The following OR7A10 variants were observed in gnomAD, a reference collection of about 807,000 sequenced individuals.
The protein encoded by OR7A10 is olfactory receptor 7A10.
For synonymous variants in OR7A10, 144 were observed against 144.5 expected (o/e 1.00, Z 0.02); for missense variants, 358 against 370.1 (o/e 0.97, Z 0.27).
At chr19:14,846,306 A>G (rs1158748138) in intron 1 of OR7A10, among the ~76,000 whole-genome samples, 3 of 152,204 alleles carry the variant, frequency 2.0e-5, no homozygotes, top group Non-Finnish European at 4.4e-5. Context: ...ATGAATACAA[A>G]AGTGTGCATA....
At chr19:14,845,070 AACACACACACAC>A (rs200527978) in intron 1 of OR7A10, among the ~76,000 whole-genome samples, 74 of 141,704 alleles carry the variant, frequency 5.2e-4, no homozygotes, top group Middle Eastern at 3.5e-3. Context: ...CACACACACA[AACACACACACAC>A]ACACACACAC....
At chr19:14,845,010 C>T (rs1227805266) in intron 1 of OR7A10, among the ~76,000 whole-genome samples, 1 of 150,990 alleles carries the variant, frequency 6.6e-6, no homozygotes, top group Non-Finnish European at 1.5e-5. Flanking sequence ...TATATTGGTC[C>T]CAGGTTCTTT....
intron 1 of OR7A10, among the ~76,000 whole-genome samples, chr19:14,847,434 A>T (rs1379724940): frequency 6.6e-6 from 1 of 152,248 alleles, no homozygotes; most frequent in Non-Finnish European, 1.5e-5. Flanking sequence ...GTTGCCAGGT[A>T]GTAGTTGGAA....
chr19:14,846,385 G>A (rs772573651), intron 1 of OR7A10, among the ~76,000 whole-genome samples: 3 of 152,006 alleles, frequency 2.0e-5, no homozygotes, highest in South Asian at 2.1e-4. Flanking sequence ...ATGCAATTAG[G>A]TTAAGCACAG....
chr19:14,848,142 A>G (rs1285056354), intron 1 of OR7A10, among the ~76,000 whole-genome samples: 1 of 151,090 alleles, frequency 6.6e-6, no homozygotes, highest in African/African-American at 2.4e-5. Context: ...AAATGCCCTC[A>G]CTTCCTTTCG....
chr19:14,844,392 A>G (rs1201354623), intron 1 of OR7A10, among the ~76,000 whole-genome samples: 1 of 152,206 alleles, frequency 6.6e-6, no homozygotes, highest in Non-Finnish European at 1.5e-5. Flanking sequence ...GGAAAGATCA[A>G]TGAAAGACGC....
rs2044909475 is a variant in OR7A10 at position 14,841,192 on chromosome 19, G to A, written c.686C>T (p.Ser229Leu). 6.2e-7 allele frequency: 1 copy of A among 1,614,136 alleles called. No individual in the cohort carries two copies. Among genetic ancestry groups the A allele is most frequent in the Non-Finnish European group, 8.5e-7 (1 of 1,180,032 alleles). ...TGCCTTATACTTCCCCTGAGCTGATGAGATTGCACGTATGGAGGAAACTAT... is the reference window on the plus strand; with the variant it reads ...TGCCTTATACTTCCCCTGAGCTGATAAGATTGCACGTATGGAGGAAACTAT... ...SKIVSSIRAISSAQGKYKAFS... is the reference protein window; with the variant it reads ...SKIVSSIRAILSAQGKYKAFS... The change falls in exon 2 of 2, where the codon TCA (serine) becomes TTA (leucine). Residue 229 changes from serine (S) to leucine (L), a missense_variant. Coordinates refer to ENST00000641129, the MANE Select transcript of OR7A10 (RefSeq NM_001005190.2).
chr19:14,846,378 C>T (rs192384236), intron 1 of OR7A10, among the ~76,000 whole-genome samples: 1 of 151,856 alleles, frequency 6.6e-6, no homozygotes, highest in Non-Finnish European at 1.5e-5. Context: ...AGTTAAAATG[C>T]AATTAGGTTA....
chr19:14,841,623 G>T lies in OR7A10; in HGVS notation c.255C>A (p.Ile85=), dbSNP rs755942854. The T allele has an allele frequency of 8.1e-5, 130 of 1,614,070 alleles. 5 individuals are homozygous for T. In the South Asian group the frequency reaches 1.4e-3, roughly 17 times the overall value. Residue 85 remains isoleucine (I), a synonymous_variant, in exon 2 of 2, where the codon ATC becomes ATA. Coordinates refer to ENST00000641129, the MANE Select transcript of OR7A10 (RefSeq NM_001005190.2). ...AGGTGATGACTTTGTTGTGTGTCTG[G>T]ATGTTCACCAGCATCTTCGGGACAG... The part of the protein sequence containing the change: ...STTVPKMLVN[I]QTHNKVITYA...
intron 1 of OR7A10, among the ~76,000 whole-genome samples, chr19:14,843,952 C>T (rs1465299787): frequency 6.6e-6 from 1 of 152,068 alleles, no homozygotes; most frequent in Non-Finnish European, 1.5e-5. Flanking sequence ...AGAACAAACA[C>T]CTAATGCATG....
chr19:14,845,474 C>A lies in OR7A10; in HGVS notation c.-13+3026G>T, dbSNP rs182869179. Among the ~76,000 whole-genome samples the A allele has an allele frequency of 2.6e-3, 374 of 142,580 alleles. 2 individuals are homozygous for A. The highest frequency in any genetic ancestry group is 8.8e-3 in the African/African-American group (343 of 38,992). The allele number at this position is 142,580 out of a possible 152,430, so 93.5% of individuals were successfully genotyped here. On this transcript the variant is annotated intron_variant, in intron 1 of 1. Transcript: ENST00000641129. ...TGGGCAACAGAGCAAGACTCCATCT[C>A]AAAAAAAAAAGACAAGTGAAAATGG...
At chr19:14,847,656 G>T (rs780324466) in intron 1 of OR7A10, among the ~76,000 whole-genome samples, 3 of 151,890 alleles carry the variant, frequency 2.0e-5, no homozygotes, top group Non-Finnish European at 4.4e-5. Flanking sequence ...GACTACAAGC[G>T]CCCGCCACCA....
rs12971470 is a variant in OR7A10, at chr19:14,848,487, C to G, written c.-13+13G>C. On this transcript the variant is annotated intron_variant, in intron 1 of 1. Coordinates refer to ENST00000641129, the MANE Select transcript of OR7A10 (RefSeq NM_001005190.2). Reference sequence around the variant, plus strand: ...TCTCCCTGATCCTTTCCTACGGTACCTATTGGACTCACCCTGTTGGGTTTT... The same window carrying G: ...TCTCCCTGATCCTTTCCTACGGTACGTATTGGACTCACCCTGTTGGGTTTT... 6.6e-6 allele frequency: 1 copy of G among 152,226 alleles called. No homozygotes were observed. The highest frequency in any genetic ancestry group is 2.1e-4 in the South Asian group (1 of 4,822). The allele number at this position is 152,226 out of a possible 1,614,324, so 9.4% of individuals were successfully genotyped here. A position where few individuals can be genotyped will look rare whatever the true frequency, so the allele number is the denominator to read the frequency against.
In OR7A10 at chr19:14,841,676, A is replaced by C; in HGVS notation, c.202T>G (p.Phe68Val). 1 of 1,614,164 alleles carries C rather than the reference A, an allele frequency of 6.2e-7. No homozygotes were observed. The highest frequency in any genetic ancestry group is 8.5e-7 in the Non-Finnish European group (1 of 1,180,032). Residue 68 changes from phenylalanine (F) to valine (V), a missense_variant, in exon 2 of 2, where the codon TTC (phenylalanine) becomes GTC (valine). Physicochemically the swap from Phe to Val is conservative, Grantham distance 50. Coordinates refer to ENST00000641129, the MANE Select transcript of OR7A10 (RefSeq NM_001005190.2). ...GTAGAGACAAAACAGATGTCTACGAAGGACAGGTTGGAGAGGAAGAAGTAC... is the reference window on the plus strand; with the variant it reads ...GTAGAGACAAAACAGATGTCTACGACGGACAGGTTGGAGAGGAAGAAGTAC... ...PMYFFLSNLSFVDICFVSTTV... is the reference protein window; with the variant it reads ...PMYFFLSNLSVVDICFVSTTV...
At position 14,841,255 on chromosome 19, in the gene OR7A10, C is replaced by G. The variant is rs1389566172; in HGVS notation, c.623G>C (p.Gly208Ala). 1.2e-6 allele frequency: 2 copies of G among 1,614,080 alleles called. No individual in the cohort carries two copies. The highest frequency in any genetic ancestry group is 2.7e-5 in the African/African-American group (2 of 74,922). Reference sequence around the variant, plus strand: ...GTACAGGATCCCAGTGAGGGGACCACCGCCCAGCAGCGCTACTGCAAAATA... The same window carrying G: ...GTACAGGATCCCAGTGAGGGGACCAGCGCCCAGCAGCGCTACTGCAAAATA... ...VMYFAVALLG[G>A]GPLTGILYSY... Residue 208 changes from glycine to alanine, a missense_variant, in exon 2 of 2, where the codon GGT (glycine) becomes GCT (alanine). Transcript: ENST00000641129.
intron 1 of OR7A10, among the ~76,000 whole-genome samples, chr19:14,843,136 A>T: frequency 6.6e-6 from 1 of 152,210 alleles, no homozygotes; most frequent in East Asian, 1.9e-4. Context: ...GTGAGATACC[A>T]TCTTACACTA....
chr19:14,840,694 C>A lies in OR7A10; in HGVS notation c.*254G>T. ...CCTCTACTTCAATGAGTAGATGTAC[C>A]CCAACGAAAACAAATATTCCATAGT... On this transcript the variant is annotated 3_prime_UTR_variant, in exon 2 of 2. Coordinates refer to ENST00000641129, the MANE Select transcript of OR7A10 (RefSeq NM_001005190.2). 3.1e-6 allele frequency: 1 copy of A among 322,428 alleles called. No homozygotes were observed. 20.0% of individuals were successfully genotyped at this position (322,428 alleles called of 1,614,324 possible). A position where few individuals can be genotyped will look rare whatever the true frequency, so the allele number is the denominator to read the frequency against.
chr19:14,842,539 T>G (rs542368510), intron 1 of OR7A10, among the ~76,000 whole-genome samples: 67 of 152,274 alleles, frequency 4.4e-4, no homozygotes, highest in African/African-American at 1.5e-3. Context: ...GCATGAGCCA[T>G]GTACCTGGAC....
intron 1 of OR7A10, among the ~76,000 whole-genome samples, chr19:14,844,246 A>G (rs2044929561): frequency 6.6e-6 from 1 of 152,236 alleles, no homozygotes; most frequent in African/African-American, 2.4e-5. Context: ...GTAAAGAAAG[A>G]AGGCAAAAAA....
Sources: gnomAD v4.1 joint callset for allele counts (sites outside exome capture counted in the v4.1 genomes callset) on GRCh38, gnomAD v4.1.1 for gene constraint, MANE v1.5 for transcripts, NCBI Gene and HGNC (gene_info 2026-07-23, HGNC 2026-07-21) for gene names.